The following ANO3 variants were observed in gnomAD, a reference collection of about 807,000 sequenced individuals.
ANO3 encodes the protein anoctamin-3.
ANO3 carries 99 observed loss-of-function variants against 144.8 expected under a neutral mutation model. The observed-to-expected ratio is 0.68, with a 90% CI of 0.58 to 0.81. The LOEUF (loss-of-function observed/expected upper bound fraction) is 0.81, where lower values mean the gene tolerates loss of function less well. Among genes scored for constraint, ANO3 ranks in the 30% least tolerant of loss-of-function variants. ANO3 has a pLI of 0.00. For missense variants in ANO3, 905 were observed against 1,202.2 expected (o/e 0.75, Z 3.66); for synonymous variants, 414 against 392.6 (o/e 1.05, Z -0.64).
At chr11:26,512,259 A>G (rs1204674927) in intron 5 of ANO3, among the ~76,000 whole-genome samples, 1 of 152,156 alleles carries the variant, frequency 6.6e-6, no homozygotes, top group Non-Finnish European at 1.5e-5. Context: ...GTAATTTTTA[A>G]GTTTTCCCTT....
At chr11:26,533,454 C>G (rs1849424377) in intron 8 of ANO3, among the ~76,000 whole-genome samples, 1 of 152,002 alleles carries the variant, frequency 6.6e-6, no homozygotes, top group South Asian at 2.1e-4. Context: ...GAAGGCAGAG[C>G]TGTTAGACAT....
intron 18 of ANO3, among the ~76,000 whole-genome samples, chr11:26,632,090 G>A (rs954317884): frequency 7.2e-5 from 11 of 151,918 alleles, no homozygotes; most frequent in Admixed American, 6.6e-4. Flanking sequence ...TACTTGGGAG[G>A]CTGAAGCAGA....
intron 4 of ANO3, among the ~76,000 whole-genome samples, chr11:26,465,957 T>A (rs1250849440): frequency 6.6e-6 from 1 of 151,984 alleles, no homozygotes. Context: ...CTTTAGAATA[T>A]CTTGCTTCAA....
chr11:26,303,658 C>G (rs1271252452), intron 1 of ANO3, among the ~76,000 whole-genome samples: 1 of 152,126 alleles, frequency 6.6e-6, no homozygotes, highest in Non-Finnish European at 1.5e-5. Context: ...TGCAATATAC[C>G]CATGTAACAA....
chr11:26,634,242 G>A lies in ANO3; in HGVS notation c.1912G>A (p.Ala638Thr), dbSNP rs139205902. The A allele has an allele frequency of 1.6e-5, 26 of 1,613,698 alleles. No individual in the cohort carries two copies. Among genetic ancestry groups the A allele is most frequent in the African/African-American group, 1.2e-4 (9 of 74,970 alleles). The stretch of plus-strand genomic sequence containing the variant: ...AGAATCAGAGTGGGAAAACAGCTTC[G>A]CCCTGAAGATGTTCCTCTTCCAGTT... ...RTESEWENSF[A>T]LKMFLFQFVN... Residue 638 changes from alanine (A) to threonine (T), a missense_variant, in exon 19 of 27, where the codon GCC (alanine) becomes ACC (threonine). Ala to Thr is a moderately conservative substitution (Grantham distance 58, BLOSUM62 0). Transcript: ENST00000256737.
At chr11:26,361,945 C>A (rs1855939622) in intron 1 of ANO3, among the ~76,000 whole-genome samples, 1 of 152,090 alleles carries the variant, frequency 6.6e-6, no homozygotes, top group Non-Finnish European at 1.5e-5. Context: ...GTTTCCAGTT[C>A]TTTAGACTTA....
At chr11:26,560,660 C>T (rs142185234) in intron 14 of ANO3, 1,564 of 154,008 alleles carry the variant, frequency 0.01, 12 homozygotes, top group Non-Finnish European at 0.016. Context: ...AAAATGCAAT[C>T]TTGAATTATG....
At chr11:26,336,856 C>T (rs1855207400) in intron 1 of ANO3, among the ~76,000 whole-genome samples, 1 of 152,166 alleles carries the variant, frequency 6.6e-6, no homozygotes, top group Admixed American at 6.5e-5. Flanking sequence ...GCTCAGAAGG[C>T]ATTGTCTCTC....
intron 10 of ANO3, among the ~76,000 whole-genome samples, chr11:26,539,133 TACACACAC>T (rs68138224): frequency 0.11 from 15,846 of 149,080 alleles, 887 homozygotes; most frequent in Admixed American, 0.13. Flanking sequence ...ACAAGAGAAA[TACACACAC>T]ACACACACAC....
At chr11:26,262,835 C>T (rs781726571) in intron 1 of ANO3, among the ~76,000 whole-genome samples, 5 of 152,026 alleles carry the variant, frequency 3.3e-5, no homozygotes, top group African/African-American at 4.8e-5. Context: ...TCCATAAACA[C>T]TAGACAAGAG....
At chr11:26,444,690 A>G (rs945177747) in intron 3 of ANO3, among the ~76,000 whole-genome samples, 2 of 152,222 alleles carry the variant, frequency 1.3e-5, no homozygotes, top group Admixed American at 6.5e-5. Flanking sequence ...GCCAGGATAA[A>G]GAATTTCTGG....
intron 1 of ANO3, among the ~76,000 whole-genome samples, chr11:26,225,374 C>A (rs1027713365): frequency 1.4e-4 from 22 of 151,942 alleles, no homozygotes; most frequent in Non-Finnish European, 1.3e-4. Context: ...ACTACAATTA[C>A]TTTTTTAGAA....
chr11:26,387,300 A>G (rs552309540), intron 1 of ANO3, among the ~76,000 whole-genome samples: 85 of 151,924 alleles, frequency 5.6e-4, no homozygotes, highest in African/African-American at 1.7e-3. Flanking sequence ...TGAAGGTGAT[A>G]AAAGTACGAT....
intron 1 of ANO3, among the ~76,000 whole-genome samples, chr11:26,389,794 C>A (rs1003840038): frequency 6.6e-6 from 1 of 151,976 alleles, no homozygotes; most frequent in Admixed American, 6.6e-5. Flanking sequence ...ATAAAAGATT[C>A]TAAGGAATAT....
At chr11:26,431,046 G>T in intron 1 of ANO3, among the ~76,000 whole-genome samples, 1 of 152,184 alleles carries the variant, frequency 6.6e-6, no homozygotes, top group Non-Finnish European at 1.5e-5. Flanking sequence ...GTGATGTTCA[G>T]TATGGTTGTC....
intron 1 of ANO3, among the ~76,000 whole-genome samples, chr11:26,198,791 C>T (rs1294477045): frequency 2.0e-5 from 3 of 152,170 alleles, no homozygotes; most frequent in Non-Finnish European, 4.4e-5. Context: ...TGAAGCCATT[C>T]TGCCTTCCAA....
intron 14 of ANO3, among the ~76,000 whole-genome samples, chr11:26,580,700 A>G (rs549733351): frequency 2.2e-4 from 34 of 152,308 alleles, no homozygotes; most frequent in African/African-American, 7.7e-4. Flanking sequence ...ACAAATTCAG[A>G]TATAGTGTTC....
upstream of ANO3, among the ~76,000 whole-genome samples, chr11:26,307,823 C>T (rs866786114): frequency 4.6e-5 from 7 of 151,690 alleles, no homozygotes; most frequent in Non-Finnish European, 8.8e-5. Context: ...AATTGCACTA[C>T]GTGTTTTCAG....
intron 3 of ANO3, among the ~76,000 whole-genome samples, 192 bp from the exon 4 acceptor site, chr11:26,462,838 C>T (rs1859462532): frequency 6.6e-6 from 1 of 151,714 alleles, no homozygotes; most frequent in Non-Finnish European, 1.5e-5. Flanking sequence ...GGCAGGCTTT[C>T]ACATTACTTT....
Sources: allele counts gnomAD v4.1 joint callset (sites outside exome capture counted in the v4.1 genomes callset), GRCh38; gene constraint gnomAD v4.1.1; transcripts MANE v1.5; gene names NCBI Gene and HGNC (gene_info 2026-07-23, HGNC 2026-07-21).